The following CASS4 variants were observed in gnomAD, a reference collection of about 807,000 sequenced individuals.
CASS4 encodes the protein Cas scaffold protein family member 4.
Under a neutral mutation model 54.2 loss-of-function variants are expected in CASS4, and 22 were observed. That is an observed-to-expected ratio of 0.41 (90% CI 0.29 to 0.58). The LOEUF is 0.58. Ranked by LOEUF, CASS4 falls within the 20% of genes least tolerant of loss-of-function variation. The pLI is 0.36. For synonymous variants in CASS4, 409 were observed against 391.5 expected, an observed-to-expected ratio of 1.04 and a Z score of -0.53; for missense variants, 854 against 986.7, an observed-to-expected ratio of 0.87 and a Z score of 1.80.
intron 1 of CASS4, among the ~76,000 whole-genome samples, chr20:56,425,090 A>C (rs540330817): frequency 1.3e-5 from 2 of 152,332 alleles, no homozygotes; most frequent in East Asian, 1.9e-4. Flanking sequence ...ATGTCCCATC[A>C]TGGGAGGCCC....
intron 3 of CASS4, among the ~76,000 whole-genome samples, chr20:56,446,936 G>A (rs7273621): frequency 0.026 from 4,003 of 152,184 alleles, 154 homozygotes; most frequent in African/African-American, 0.091. Flanking sequence ...GGCCAGGTGC[G>A]GCAGCTCACA....
Position 56,458,568 on chromosome 20 carries a change from G to T in CASS4, c.2182G>T (p.Asp728Tyr). The change falls in exon 6 of 6, where the codon GAC becomes TAC. Residue 728 changes from aspartate to tyrosine, a missense_variant. By Grantham distance (160) the Asp-to-Tyr change is radical. Transcript: ENST00000679887. ...GCTGTGCATGGAGACCCAGGAGAGG[G>T]ACGTGCGCAACGAGATCCTCCGTGG... ...DTLCMETQER[D>Y]VRNEILRGSS... 1 of 1,614,036 alleles carries T rather than the reference G, an allele frequency of 6.2e-7. No homozygotes were observed.
chr20:56,458,648 C>T lies in CASS4; in HGVS notation c.2262C>T (p.Ala754=), dbSNP rs376664080. The change falls in exon 6 of 6, where the codon GCC becomes GCT. Residue 754 remains alanine, a synonymous_variant. Transcript: ENST00000679887. ...LKDVALATKN[A]VLTYPSPAAL... is the part of the protein sequence containing the mutation. ...ACGTAGCGCTGGCCACTAAGAATGC[C>T]GTGCTCACGTACCCCAGCCCTGCCG... The T allele has an allele frequency of 4.3e-6, 7 of 1,613,680 alleles. No individual in the cohort carries two copies. The highest frequency in any genetic ancestry group is 2.2e-5 in the East Asian group (1 of 44,870).
chr20:56,412,050 A>G (rs1978901183), upstream of CASS4: 1 of 246,326 alleles, frequency 4.1e-6, no homozygotes, highest in Admixed American at 5.9e-5. This position sits in a 1 kb window ranked among gnomAD's most constrained non-coding sequence, Gnocchi z 4.2. Flanking sequence ...AGTTCAAAGG[A>G]CAAGAATGCT....
Position 56,460,299 on chromosome 20 carries a change from G to A in CASS4, c.*1552G>A, listed in dbSNP as rs544305131. On this transcript the variant is annotated 3_prime_UTR_variant, in exon 6 of 6. Coordinates refer to ENST00000679887, the MANE Select transcript of CASS4 (RefSeq NM_020356.4). ...TATTGGTTGGTGCAAAAGTAATTGCGGTTTTTGCCGTAGACAGTAATGGCA... is the reference window on the plus strand; with the variant it reads ...TATTGGTTGGTGCAAAAGTAATTGCAGTTTTTGCCGTAGACAGTAATGGCA... 1.3e-5 allele frequency: 2 copies of A among 152,066 alleles called. No homozygotes were observed. The highest frequency in any genetic ancestry group is 4.8e-5 in the African/African-American group (2 of 41,344). 9.4% of individuals were successfully genotyped at this position (152,066 alleles called of 1,614,324 possible). A position where few individuals can be genotyped will look rare whatever the true frequency, so the allele number is the denominator to read the frequency against.
intron 2 of CASS4, among the ~76,000 whole-genome samples, chr20:56,439,387 T>A (rs1341132448): frequency 1.3e-5 from 2 of 151,786 alleles, no homozygotes; most frequent in Non-Finnish European, 2.9e-5. Context: ...AAATGTAGAA[T>A]GGGCTAGGCT....
At position 56,413,685 on chromosome 20, in the gene CASS4, A is replaced by AG. The variant is rs1409658762; in HGVS notation, c.36+1191_36+1192insG. Among the ~76,000 whole-genome samples the AG allele has an allele frequency of 3.3e-5, 5 of 150,882 alleles. 1 individual carries two copies. Among genetic ancestry groups the AG allele is most frequent in the East Asian group, 1.9e-4 (1 of 5,170 alleles). On this transcript the variant is annotated intron_variant, in intron 1 of 5. Coordinates refer to ENST00000679887, the MANE Select transcript of CASS4 (RefSeq NM_020356.4). ...AAGACTCTGTCTCAAAAAAAAAAAA[A>AG]AAAAAAAAAAAAAAGTCACTAGTGG...
At chr20:56,441,350 A>G (rs2146285406) in intron 2 of CASS4, among the ~76,000 whole-genome samples, 1 of 149,576 alleles carries the variant, frequency 6.7e-6, no homozygotes, top group Middle Eastern at 3.4e-3. Flanking sequence ...CACACCTGTA[A>G]TCCCAGCAAT....
At chr20:56,429,201 T>G (rs560988783) in intron 1 of CASS4, among the ~76,000 whole-genome samples, 135 of 152,294 alleles carry the variant, frequency 8.9e-4, no homozygotes, top group African/African-American at 3.1e-3. Context: ...CCTGCGGATG[T>G]CTCTTATACC....
intron 5 of CASS4, among the ~76,000 whole-genome samples, chr20:56,455,758 C>T (rs568570360): frequency 6.6e-6 from 1 of 152,098 alleles, no homozygotes; most frequent in Non-Finnish European, 1.5e-5. Flanking sequence ...GGTGAAACCC[C>T]GTTTCTACTA....
At chr20:56,417,076 C>T (rs145531692) in intron 1 of CASS4, among the ~76,000 whole-genome samples, 4 of 152,164 alleles carry the variant, frequency 2.6e-5, no homozygotes, top group Non-Finnish European at 5.9e-5. Flanking sequence ...GGTTTAAACA[C>T]GACAAAATGT....
intron 3 of CASS4, among the ~76,000 whole-genome samples, chr20:56,449,477 G>A (rs1174499309): frequency 2.0e-5 from 3 of 152,074 alleles, no homozygotes; most frequent in Non-Finnish European, 2.9e-5. Context: ...GGGGAGTAGG[G>A]GGAGGGATAG....
rs767140530 is a variant in CASS4 at position 56,459,682 on chromosome 20, C to T, written c.*935C>T. 3 of 154,790 alleles carry T rather than the reference C, an allele frequency of 1.9e-5. No individual in the cohort carries two copies. Among genetic ancestry groups the T allele is most frequent in the Non-Finnish European group, 4.3e-5 (3 of 69,324 alleles). 9.6% of individuals were successfully genotyped at this position (154,790 alleles called of 1,614,324 possible). On this transcript the variant is annotated 3_prime_UTR_variant, in exon 6 of 6. Coordinates refer to ENST00000679887, the MANE Select transcript of CASS4 (RefSeq NM_020356.4). ...TCGGGGTTTCACCATATTAGCCAGGCTGGTCTGGAACTCCTGACCTCAGGC... is the reference window on the plus strand; with the variant it reads ...TCGGGGTTTCACCATATTAGCCAGGTTGGTCTGGAACTCCTGACCTCAGGC...
At chr20:56,451,475 T>C (rs533001811) in intron 4 of CASS4, among the ~76,000 whole-genome samples, 1 of 144,244 alleles carries the variant, frequency 6.9e-6, no homozygotes, top group African/African-American at 2.6e-5. Context: ...GGGGGATGCA[T>C]AGGGGTTTGG....
At chr20:56,425,588 C>G (rs1274317784) in intron 1 of CASS4, among the ~76,000 whole-genome samples, 1 of 152,198 alleles carries the variant, frequency 6.6e-6, no homozygotes, top group Non-Finnish European at 1.5e-5. Context: ...AAGATGGACT[C>G]AAAGTCAAAA....
chr20:56,412,122 G>GT (rs1978904347), upstream of CASS4: 1 of 354,506 alleles, frequency 2.8e-6, no homozygotes, highest in East Asian at 7.5e-5. The surrounding 1 kb of genome is among the most constrained non-coding windows in gnomAD (Gnocchi z 4.2). Context: ...GAAGAGTGGT[G>GT]TTTTTTTCTT....
chr20:56,436,334 A>G lies in CASS4; in HGVS notation c.37-830A>G, dbSNP rs552679572. On this transcript the variant is annotated intron_variant, in intron 1 of 5. Coordinates refer to ENST00000679887, the MANE Select transcript of CASS4 (RefSeq NM_020356.4). ...CACAATATATAATGGATTGCTATAT[A>G]TATGTGTGTGTGTGTGTGTGTGTGT... 1.6e-4 allele frequency among the ~76,000 whole-genome samples: 22 copies of G among 138,762 alleles called. No individual in the cohort carries two copies. The South Asian group carries it at 4.8e-3, about 30-fold the overall frequency. The allele number at this position is 138,762 out of a possible 152,430, so 91.0% of individuals were successfully genotyped here. A position where few individuals can be genotyped will look rare whatever the true frequency, so the allele number is the denominator to read the frequency against.
intron 1 of CASS4, among the ~76,000 whole-genome samples, chr20:56,425,469 G>A (rs984075305): frequency 6.6e-6 from 1 of 152,212 alleles, no homozygotes; most frequent in Non-Finnish European, 1.5e-5. Context: ...CACGGTCCAG[G>A]CCCTTTGAGG....
At position 56,430,095 on chromosome 20, in the gene CASS4, G is replaced by A. The variant is rs558651880; in HGVS notation, c.37-7069G>A. ...ACGTGATGCTCAATACAATCTTGGT[G>A]AATGAATGAATGAATGAATTGCTCC... On this transcript the variant is annotated intron_variant, in intron 1 of 5. Transcript: ENST00000679887. This position sits in a 1 kb window ranked among gnomAD's most constrained non-coding sequence, Gnocchi z 4.2. Among the ~76,000 whole-genome samples, 11 of 152,244 alleles carry A rather than the reference G, an allele frequency of 7.2e-5. No homozygotes were observed. In the East Asian group the frequency reaches 2.1e-3, roughly 29 times the overall value.
Sources: gnomAD v4.1 joint callset for allele counts (sites outside exome capture counted in the v4.1 genomes callset) on GRCh38, gnomAD v4.1.1 for gene constraint, Gnocchi (gnomAD v3.1) non-coding constraint, MANE v1.5 for transcripts, NCBI Gene and HGNC (gene_info 2026-07-23, HGNC 2026-07-21) for gene names.